Variants in TIAM1 observed in about 807,000 individuals in gnomAD.
The protein encoded by TIAM1 is TIAM Rac1 associated GEF 1.
In TIAM1, 65 loss-of-function variants were observed where a neutral mutation model predicts 163.5. That is an observed-to-expected ratio of 0.40 (90% CI 0.33 to 0.49). TIAM1 has a LOEUF of 0.49. TIAM1 is among the 20% of genes least tolerant of loss of function. The probability of loss-of-function intolerance (pLI) is 0.77; values close to 1 mark genes in which losing one functional copy is unlikely to be tolerated. For synonymous variants in TIAM1, 833 were observed against 810.1 expected, an observed-to-expected ratio of 1.03 and a Z score of -0.48; for missense variants, 1,789 against 2,044.7, an observed-to-expected ratio of 0.87 and a Z score of 2.41.
chr21:31,270,760 A>G (rs1435590729), intron 3 of TIAM1, among the ~76,000 whole-genome samples: 1 of 152,098 alleles, frequency 6.6e-6, no homozygotes, highest in Non-Finnish European at 1.5e-5. Context: ...CGTTAGTGTT[A>G]GTGTATCTTA....
intron 12 of TIAM1, among the ~76,000 whole-genome samples, chr21:31,200,053 C>CATGT (rs2086113958): frequency 6.6e-6 from 1 of 152,154 alleles, no homozygotes; most frequent in Admixed American, 6.5e-5. Context: ...TACACATTCA[C>CATGT]ATGTATTTTT....
At chr21:31,373,916 T>C (rs1004683033) in intron 2 of TIAM1, among the ~76,000 whole-genome samples, 5 of 152,044 alleles carry the variant, frequency 3.3e-5, no homozygotes, top group Admixed American at 2.0e-4. Flanking sequence ...AAAGCTGCCA[T>C]CACCTACAAC....
At chr21:31,385,590 G>A (rs2076852122) in intron 2 of TIAM1, among the ~76,000 whole-genome samples, 2 of 151,676 alleles carry the variant, frequency 1.3e-5, no homozygotes, top group African/African-American at 4.8e-5. Context: ...AAATAGGAGG[G>A]AGGAAAATCT....
chr21:31,182,222 C>T (rs2085065288), intron 15 of TIAM1, among the ~76,000 whole-genome samples, 199 bp downstream of exon 15: 1 of 152,186 alleles, frequency 6.6e-6, no homozygotes, highest in Admixed American at 6.5e-5. Context: ...CAAAACAGCT[C>T]TATGAGAAAA....
At chr21:31,475,434 C>T (rs910464490) in intron 1 of TIAM1, among the ~76,000 whole-genome samples, 3 of 152,106 alleles carry the variant, frequency 2.0e-5, no homozygotes, top group Admixed American at 6.5e-5. Flanking sequence ...TAGGGTTTGG[C>T]GACTTCCTGG....
chr21:31,498,130 G>A (rs972246683), intron 1 of TIAM1, among the ~76,000 whole-genome samples: 3 of 152,200 alleles, frequency 2.0e-5, no homozygotes, highest in African/African-American at 7.2e-5. Flanking sequence ...CCTCTTCAGT[G>A]GCAGCCTCCC....
chr21:31,120,343 A>C lies in TIAM1; in HGVS notation c.*25T>G, dbSNP rs780621015. On this transcript the variant is annotated 3_prime_UTR_variant, in exon 28 of 28. Coordinates refer to ENST00000541036, the MANE Select transcript of TIAM1 (RefSeq NM_001353694.2). The surrounding 1 kb of genome is among the most constrained non-coding windows in gnomAD (Gnocchi z 4.2). ...GTTAGGGCAGGAAGTATCTACACAC[A>C]TTCTCTACGGGGCAGGTGACGCAGT... 4 of 1,577,420 alleles carry C rather than the reference A, an allele frequency of 2.5e-6. No homozygotes were observed. The highest frequency in any genetic ancestry group is 3.4e-6 in the Non-Finnish European group (4 of 1,160,700).
At chr21:31,187,485 T>G (rs1297467569) in intron 13 of TIAM1, among the ~76,000 whole-genome samples, 1 of 152,204 alleles carries the variant, frequency 6.6e-6, no homozygotes, top group Non-Finnish European at 1.5e-5. Flanking sequence ...TGTTAACAAC[T>G]GTACTGTTGG....
chr21:31,524,157 A>G (rs2047700620), intron 1 of TIAM1, among the ~76,000 whole-genome samples: 1 of 152,112 alleles, frequency 6.6e-6, no homozygotes, highest in African/African-American at 2.4e-5. Flanking sequence ...GGAAATACCT[A>G]AGGCTGGGTA....
chr21:31,459,583 T>G (rs972770066), intron 2 of TIAM1, among the ~76,000 whole-genome samples: 4 of 152,178 alleles, frequency 2.6e-5, no homozygotes, highest in Admixed American at 6.5e-5. Flanking sequence ...CTCTTTCCAG[T>G]AAGGGTGCTG....
At chr21:31,325,302 T>A (rs941425958) in intron 2 of TIAM1, among the ~76,000 whole-genome samples, 5 of 142,200 alleles carry the variant, frequency 3.5e-5, no homozygotes, top group African/African-American at 1.3e-4. Flanking sequence ...AAAAAAAAAA[T>A]TAGTTTTTAG....
chr21:31,503,014 C>T (rs1212847729), intron 1 of TIAM1, among the ~76,000 whole-genome samples: 2 of 152,186 alleles, frequency 1.3e-5, no homozygotes, highest in African/African-American at 4.8e-5. Context: ...GAGCCACACC[C>T]TGGGCTCTGA....
chr21:31,436,392 C>T (rs1263813504), intron 2 of TIAM1, among the ~76,000 whole-genome samples: 2 of 152,196 alleles, frequency 1.3e-5, no homozygotes, highest in African/African-American at 4.8e-5. Flanking sequence ...AATCTCAGCA[C>T]TTTGGGAGAC....
At chr21:31,196,173 C>T (rs1008680378) in intron 12 of TIAM1, among the ~76,000 whole-genome samples, 2 of 152,062 alleles carry the variant, frequency 1.3e-5, no homozygotes, top group Admixed American at 6.6e-5. Flanking sequence ...ATGTACACAT[C>T]GCTAATTATC....
At chr21:31,164,381 C>T (rs2084102166) in intron 16 of TIAM1, among the ~76,000 whole-genome samples, 2 of 140,590 alleles carry the variant, frequency 1.4e-5, no homozygotes, top group African/African-American at 3.0e-5. Context: ...CAGAGCGAGA[C>T]TCCATCTCAA....
intron 1 of TIAM1, among the ~76,000 whole-genome samples, chr21:31,495,533 A>G (rs754369729): frequency 6.6e-6 from 1 of 152,230 alleles, no homozygotes; most frequent in Non-Finnish European, 1.5e-5. Flanking sequence ...ATCGCCTCTT[A>G]AAGGCCCCAC....
intron 1 of TIAM1, among the ~76,000 whole-genome samples, chr21:31,542,599 G>A (rs1325885219): frequency 6.6e-6 from 1 of 152,146 alleles, no homozygotes; most frequent in Non-Finnish European, 1.5e-5. Context: ...CATAGGCTCA[G>A]TATCCAGGTA....
chr21:31,288,515 T>C (rs1022586886), intron 2 of TIAM1, among the ~76,000 whole-genome samples: 1 of 152,188 alleles, frequency 6.6e-6, no homozygotes, highest in Non-Finnish European at 1.5e-5. Flanking sequence ...ATCCCATTTA[T>C]GAGGGCAGAG....
Position 31,416,957 on chromosome 21 carries a change from C to T in TIAM1, c.-369+47026G>A, listed in dbSNP as rs192152206. On this transcript the variant is annotated intron_variant, in intron 2 of 28. Coordinates refer to the TIAM1 transcript ENST00000286827. ...TAATGGGGATGCTGCCTGTATTCATCTGTTTTGACGCTGCTGATAAAGACA... is the reference window on the plus strand; with the variant it reads ...TAATGGGGATGCTGCCTGTATTCATTTGTTTTGACGCTGCTGATAAAGACA... 2.4e-3 allele frequency among the ~76,000 whole-genome samples: 363 copies of T among 152,344 alleles called. 3 individuals are homozygous for T. The highest frequency in any genetic ancestry group is 2.3e-3 in the Non-Finnish European group (158 of 68,038).
Sources: gnomAD v4.1 joint callset for allele counts (sites outside exome capture counted in the v4.1 genomes callset) on GRCh38, gnomAD v4.1.1 for gene constraint, Gnocchi (gnomAD v3.1) non-coding constraint, MANE v1.5 for transcripts, NCBI Gene and HGNC (gene_info 2026-07-23, HGNC 2026-07-21) for gene names.